ETFDH: variants seen among roughly 807,000 people sequenced by gnomAD.
The protein encoded by ETFDH is electron transfer flavoprotein dehydrogenase, also known as electron transfer flavoprotein-ubiquinone oxidoreductase, mitochondrial.
Under a neutral mutation model 73.2 loss-of-function variants are expected in ETFDH, and 61 were observed. That is an observed-to-expected ratio of 0.83 (90% CI 0.68 to 1.03). The LOEUF (loss-of-function observed/expected upper bound fraction) is 1.03. ETFDH is among the 50% of genes least tolerant of loss of function. The pLI is 0.00. For missense variants in ETFDH, 685 were observed against 745.0 expected (o/e 0.92, Z 0.94); for synonymous variants, 243 against 253.3 (o/e 0.96, Z 0.39).
At chr4:158,698,810 T>C (rs1774379920) in intron 8 of ETFDH, among the ~76,000 whole-genome samples, 177 bp from the exon 9 acceptor site, 2 of 152,222 alleles carry the variant, frequency 1.3e-5, no homozygotes, top group Non-Finnish European at 2.9e-5. Context: ...CCTTTTCTTT[T>C]CCAAACAGAT....
chr4:158,695,450 A>ACT (rs2150310926), intron 6 of ETFDH, 47 bp from the exon 7 acceptor site: 1 of 1,535,300 alleles, frequency 6.5e-7, no homozygotes, highest in Admixed American at 1.7e-5. Context: ...ATGTGAATGT[A>ACT]TTTTAAATTG....
chr4:158,706,926 T>C, intron 12 of ETFDH, 76 bp downstream of exon 12: 1 of 947,260 alleles, frequency 1.1e-6, no homozygotes, highest in South Asian at 1.3e-5. Context: ...TAAAAAATGA[T>C]TTCTGTATCT....
At chr4:158,695,151 C>T (rs1433046855) in intron 6 of ETFDH, among the ~76,000 whole-genome samples, 1 of 152,110 alleles carries the variant, frequency 6.6e-6, no homozygotes, top group African/African-American at 2.4e-5. Flanking sequence ...TATCTTATAA[C>T]ATTGTTTATG....
chr4:158,703,347 A>C (rs1774515557), intron 9 of ETFDH, 76 bp from the exon 10 acceptor site: 2 of 1,017,254 alleles, frequency 2.0e-6, no homozygotes, highest in Non-Finnish European at 3.1e-6. Context: ...AGAATACTTT[A>C]AGACTGATTT....
At position 158,706,360 on chromosome 4, in the gene ETFDH, T is replaced by A; in HGVS notation, c.1457T>A (p.Leu486Gln). Residue 486 changes from leucine to glutamine, a missense_variant, in exon 11 of 13, where the codon CTG becomes CAG. Around this residue, in one of 3 missense-constraint regions of ETFDH, gnomAD observed 201 missense variants for 225.2 expected, o/e 0.89. Transcript: ENST00000511912. ...TTGAGAGGAATGGAGCCGTGGACTC[T>A]GAAACATAAAGGTAATTCAAACAAG... The part of the protein sequence containing the change: ...WILRGMEPWT[L>Q]KHKGSDFERL... The A allele has an allele frequency of 2.5e-6, 4 of 1,612,466 alleles. No homozygotes were observed. The highest frequency in any genetic ancestry group is 3.4e-6 in the Non-Finnish European group (4 of 1,178,560).
chr4:158,699,468 G>A (rs1774403140), intron 9 of ETFDH, among the ~76,000 whole-genome samples: 1 of 152,174 alleles, frequency 6.6e-6, no homozygotes, highest in Non-Finnish European at 1.5e-5. Context: ...TACTCAGGAG[G>A]CTGAGACAGG....
rs750084469 is a variant in ETFDH, at chr4:158,698,999, T to C, written c.985T>C (p.Tyr329His). 2 of 1,605,088 alleles carry C rather than the reference T, an allele frequency of 1.2e-6. No homozygotes were observed. Among genetic ancestry groups the C allele is most frequent in the South Asian group, 1.1e-5 (1 of 90,792 alleles). ...VALGLVVGLD[Y>H]QNPYLSPFRE... ...GTAAATTTTTAAGGTTGGTCTAGAC[T>C]ATCAGAATCCATACCTGAGTCCATT... Residue 329 changes from tyrosine to histidine, a missense_variant, in exon 9 of 13, where the codon TAT (tyrosine) becomes CAT (histidine). Around this residue, in one of 3 missense-constraint regions of ETFDH, gnomAD observed 405 missense variants for 399.3 expected, o/e 1.01. Transcript: ENST00000511912.
chr4:158,685,696 A>C (rs1463762769), intron 5 of ETFDH, among the ~76,000 whole-genome samples: 2 of 152,324 alleles, frequency 1.3e-5, no homozygotes, highest in East Asian at 3.9e-4. Flanking sequence ...AACTGACAAT[A>C]GACAGAGTAA....
chr4:158,690,153 C>T (rs971501474), intron 5 of ETFDH, among the ~76,000 whole-genome samples, 195 bp from the exon 6 acceptor site: 4 of 152,034 alleles, frequency 2.6e-5, no homozygotes, highest in Non-Finnish European at 4.4e-5. Flanking sequence ...TCCCATTGTG[C>T]GAGCTCTGTT....
rs1773598121 is a variant in ETFDH, at chr4:158,672,487, C to G, written c.31C>G (p.Leu11Val). Residue 11 changes from leucine to valine, a missense_variant, in exon 1 of 13, where the codon CTG becomes GTG. By Grantham distance (32) the Leu-to-Val change is conservative. This residue lies in a region of ETFDH where 405 missense variants were observed against 399.3 expected (regional missense o/e 1.01). Transcript: ENST00000511912. MLVPLAKLSC[L>V]AYQCFHALKI... ...GGTGCCGCTAGCCAAGCTGTCCTGC[C>G]TGGGTGAGAGGAAACGGGCGGTGGG... 2 of 1,614,108 alleles carry G rather than the reference C, an allele frequency of 1.2e-6. No individual in the cohort carries two copies. The highest frequency in any genetic ancestry group is 2.7e-5 in the African/African-American group (2 of 75,046).
At position 158,702,462 on chromosome 4, in the gene ETFDH, C is replaced by A. The variant is rs151270096; in HGVS notation, c.1117-961C>A. On this transcript the variant is annotated intron_variant, in intron 9 of 12. Coordinates refer to ENST00000511912, the MANE Select transcript of ETFDH (RefSeq NM_004453.4). ...AACCAATCTCCATATCCCGCCCCCA[C>A]GCCCCGCATCCCTTTCTACCATTCC... 3.7e-3 allele frequency among the ~76,000 whole-genome samples: 560 copies of A among 152,164 alleles called. 14 individuals carry two copies. Among genetic ancestry groups the A allele is most frequent in the Admixed American group, 0.031 (474 of 15,284 alleles).
chr4:158,684,862 A>G (rs539051486), intron 4 of ETFDH, 189 bp downstream of exon 4: 7 of 624,448 alleles, frequency 1.1e-5, no homozygotes, highest in African/African-American at 9.2e-5. Flanking sequence ...CTTCCAGTCT[A>G]GAAGAATTGA....
intron 1 of ETFDH, among the ~76,000 whole-genome samples, chr4:158,677,928 C>T (rs2150303160): frequency 6.6e-6 from 1 of 152,330 alleles, no homozygotes. Context: ...GATTTACACT[C>T]ATGTCTTCAA....
intron 4 of ETFDH, 52 bp downstream of exon 4, chr4:158,684,725 A>T (rs1209402299): frequency 3.0e-6 from 3 of 1,013,938 alleles, no homozygotes; most frequent in East Asian, 2.4e-5. Context: ...GCTGGAAGGA[A>T]CTACATTTCA....
chr4:158,688,780 A>G (rs1232624436), intron 5 of ETFDH, among the ~76,000 whole-genome samples: 2 of 152,254 alleles, frequency 1.3e-5, no homozygotes, highest in African/African-American at 2.4e-5. Flanking sequence ...TTAAATAGCC[A>G]GGTAGATACA....
chr4:158,689,564 T>A (rs1320876270), intron 5 of ETFDH, among the ~76,000 whole-genome samples: 2 of 141,182 alleles, frequency 1.4e-5, no homozygotes, highest in Non-Finnish European at 3.0e-5. Flanking sequence ...GCTGTTGATT[T>A]GTTCGTTTTC....
intron 2 of ETFDH, 86 bp from the exon 3 acceptor site, chr4:158,682,109 A>AAG: frequency 6.3e-7 from 1 of 1,586,428 alleles, no homozygotes; most frequent in South Asian, 1.1e-5. Flanking sequence ...TAATACTCTA[A>AAG]AGCACAGTGG....
intron 3 of ETFDH, 23 bp from the exon 4 acceptor site, chr4:158,684,569 T>C (rs759678812): frequency 7.5e-7 from 1 of 1,327,008 alleles, no homozygotes; most frequent in South Asian, 1.2e-5. Flanking sequence ...TAAAAACATT[T>C]CTTTTTCTTC....
intron 1 of ETFDH, chr4:158,679,490 C>T (rs1773790732): frequency 6.6e-6 from 1 of 152,124 alleles, no homozygotes; most frequent in African/African-American, 2.4e-5. Context: ...AAAGACATCT[C>T]TTCTGCTATA....
Sources: allele counts gnomAD v4.1 joint callset (sites outside exome capture counted in the v4.1 genomes callset), GRCh38; gene constraint gnomAD v4.1.1; regional missense constraint gnomAD v4.1.1; transcripts MANE v1.5; gene names NCBI Gene and HGNC (gene_info 2026-07-23, HGNC 2026-07-21).